Variants in CREB5 observed in about 807,000 individuals in gnomAD.
CREB5 encodes the protein cyclic AMP-responsive element-binding protein 5.
A neutral mutation model predicts 57.1 loss-of-function variants in CREB5; 19 were observed. That is an observed-to-expected ratio of 0.33 (90% confidence interval 0.23 to 0.49). The LOEUF (loss-of-function observed/expected upper bound fraction) is 0.49, where lower values mean the gene tolerates loss of function less well. CREB5 is among the 20% of genes least tolerant of loss of function. The pLI is 0.99. For missense variants in CREB5, 579 were observed against 671.6 expected (o/e 0.86, Z 1.52); for synonymous variants, 238 against 238.3 (o/e 1.00, Z 0.01).
upstream of CREB5, chr7:28,410,111 G>T (rs1449019565): frequency 2.6e-6 from 1 of 386,370 alleles, no homozygotes; most frequent in East Asian, 7.3e-5. Context: ...GTGCGGAGCT[G>T]CAGCTGCCAC....
At chr7:28,772,933 G>A (rs180675437) in intron 7 of CREB5, among the ~76,000 whole-genome samples, 63 of 152,158 alleles carry the variant, frequency 4.1e-4, no homozygotes, top group South Asian at 1.7e-3. Context: ...GGCAGCTCTC[G>A]TAACCTCCTA....
rs374348500 is a variant in CREB5 at position 28,757,541 on chromosome 7, C to T, written c.702+33209C>T. 1.1e-4 allele frequency among the ~76,000 whole-genome samples: 17 copies of T among 152,022 alleles called. No individual in the cohort carries two copies. The South Asian group carries it at 3.3e-3, about 30-fold the overall frequency. On this transcript the variant is annotated intron_variant, in intron 7 of 10. Coordinates refer to ENST00000357727, the MANE Select transcript of CREB5 (RefSeq NM_182898.4). ...CAAAAAAATTAGCCAGGCGTGGTGG[C>T]GGGCGCCTGTAGTCCCAGCTACTCG...
chr7:28,441,803 T>C (rs1789195308), intron 1 of CREB5, among the ~76,000 whole-genome samples: 1 of 152,210 alleles, frequency 6.6e-6, no homozygotes, highest in South Asian at 2.1e-4. Flanking sequence ...AGTCAAGCTC[T>C]TTATGGTTTT....
chr7:28,795,158 T>C lies in CREB5; in HGVS notation c.703-9041T>C, dbSNP rs946103660. Among the ~76,000 whole-genome samples the C allele has an allele frequency of 3.3e-5, 5 of 152,344 alleles. No homozygotes were observed. In the East Asian group the frequency reaches 9.6e-4, roughly 29 times the overall value. On this transcript the variant is annotated intron_variant, in intron 7 of 10. Coordinates refer to ENST00000357727, the MANE Select transcript of CREB5 (RefSeq NM_182898.4). ...CTGTTTTGATGTGTGCATTGCATAA[T>C]GATGCTTTGCGAAGTCAAAATCCCC...
At chr7:28,498,546 TA>T (rs1562757882) in intron 3 of CREB5, among the ~76,000 whole-genome samples, 1 of 152,202 alleles carries the variant, frequency 6.6e-6, no homozygotes, top group East Asian at 1.9e-4. Context: ...AGCTTTGTCA[TA>T]AGGTTCATTT....
At chr7:28,810,565 G>A (rs144438661) in intron 9 of CREB5, among the ~76,000 whole-genome samples, 2,659 of 152,186 alleles carry the variant, frequency 0.017, 78 homozygotes, top group South Asian at 0.14. Flanking sequence ...GTGTGGTGGT[G>A]CATTCCTGTA....
chr7:28,435,091 C>CTTTTTT lies in CREB5; in HGVS notation c.3+22186_3+22191dup, dbSNP rs397702746. On this transcript the variant is annotated intron_variant, in intron 1 of 10. Coordinates refer to ENST00000357727, the MANE Select transcript of CREB5 (RefSeq NM_182898.4). Reference sequence around the variant, plus strand: ...TGGAATTATCACCTAGGCCACCTGGCTTTTTTTTTTTTTTTTTCCTCCCTC... The same window carrying CTTTTTT: ...TGGAATTATCACCTAGGCCACCTGGCTTTTTTTTTTTTTTTTTTTTTTTCCTCCCTC... 2.3e-5 allele frequency among the ~76,000 whole-genome samples: 3 copies of CTTTTTT among 132,772 alleles called. 1 individual carries two copies. The allele number at this position is 132,772 out of a possible 152,430, so 87.1% of individuals were successfully genotyped here. A position where few individuals can be genotyped will look rare whatever the true frequency, so the allele number is the denominator to read the frequency against.
At chr7:28,509,273 G>A (rs559589101) in intron 4 of CREB5, among the ~76,000 whole-genome samples, 2 of 152,318 alleles carry the variant, frequency 1.3e-5, no homozygotes, top group African/African-American at 4.8e-5. Context: ...GAACAGTTTC[G>A]TGAAGCCCGT....
At chr7:28,807,144 C>T (rs145746413) in intron 8 of CREB5, among the ~76,000 whole-genome samples, 1 of 152,158 alleles carries the variant, frequency 6.6e-6, no homozygotes, top group Admixed American at 6.5e-5. Context: ...AACAAACAAA[C>T]AGTTCTAGAA....
At chr7:28,375,997 C>T (rs965135977) in intron 1 of CREB5, among the ~76,000 whole-genome samples, 5 of 152,300 alleles carry the variant, frequency 3.3e-5, no homozygotes, top group East Asian at 3.9e-4. Context: ...CTTGAACTCA[C>T]GCAGTTGGCC....
chr7:28,418,853 G>A lies in CREB5; in HGVS notation c.3+5936G>A, dbSNP rs561842989. Among the ~76,000 whole-genome samples, 8 of 152,296 alleles carry A rather than the reference G, an allele frequency of 5.3e-5. No homozygotes were observed. In the East Asian group the frequency reaches 1.5e-3, roughly 29 times the overall value. On this transcript the variant is annotated intron_variant, in intron 1 of 10. Coordinates refer to ENST00000357727, the MANE Select transcript of CREB5 (RefSeq NM_182898.4). ...TGTATTCCAGATATTCCAGATAGAA[G>A]CACTGCTTTGGGTTGCTTCCAGGTA... is the stretch of plus-strand genomic sequence containing the variant.
At chr7:28,542,805 A>G (rs34466663) in intron 4 of CREB5, among the ~76,000 whole-genome samples, 6,096 of 152,258 alleles carry the variant, frequency 0.04, 193 homozygotes, top group Non-Finnish European at 0.061. Context: ...ACCAAGATGG[A>G]ATTACAGCCT....
At chr7:28,585,602 T>A (rs1796276855) in intron 5 of CREB5, among the ~76,000 whole-genome samples, 1 of 152,182 alleles carries the variant, frequency 6.6e-6, no homozygotes, top group Non-Finnish European at 1.5e-5. Flanking sequence ...CTAATTCTTT[T>A]TGAAGCGTCC....
chr7:28,507,524 G>A (rs1792528068), intron 3 of CREB5, 92 bp from the exon 4 acceptor site: 1 of 1,440,340 alleles, frequency 6.9e-7, no homozygotes, highest in Non-Finnish European at 9.3e-7. Flanking sequence ...TTTAATTAAG[G>A]CAAGGGGAGG....
At chr7:28,606,121 T>C (rs1797123834) in intron 5 of CREB5, among the ~76,000 whole-genome samples, 1 of 152,136 alleles carries the variant, frequency 6.6e-6, no homozygotes, top group South Asian at 2.1e-4. Flanking sequence ...TTGCCCTCAA[T>C]ACAGAGAAAA....
In CREB5 at chr7:28,824,756, A is replaced by G. The variant is rs189482331; in HGVS notation, c.*5477A>G. 41 of 152,700 alleles carry G rather than the reference A, an allele frequency of 2.7e-4. No individual in the cohort carries two copies. In the East Asian group the frequency reaches 5.4e-3, roughly 20 times the overall value. 9.5% of individuals were successfully genotyped at this position (152,700 alleles called of 1,614,324 possible). A position where few individuals can be genotyped will look rare whatever the true frequency, so the allele number is the denominator to read the frequency against. On this transcript the variant is annotated 3_prime_UTR_variant, in exon 11 of 11. Coordinates refer to ENST00000357727, the MANE Select transcript of CREB5 (RefSeq NM_182898.4). ...TGTTTATATATTTTTTTCCTTATAA[A>G]TTGTCTATTTTTTAAAAAAGCTATT...
At chr7:28,312,894 A>G (rs529725600) in intron 1 of CREB5, among the ~76,000 whole-genome samples, 15 of 152,308 alleles carry the variant, frequency 9.8e-5, no homozygotes, top group Non-Finnish European at 1.9e-4. Context: ...TTCTCATTCC[A>G]AAAAGAAAAT....
chr7:28,468,211 G>A (rs1790669278), intron 1 of CREB5, among the ~76,000 whole-genome samples: 1 of 152,182 alleles, frequency 6.6e-6, no homozygotes, highest in Non-Finnish European at 1.5e-5. Context: ...CATGTCACAG[G>A]CTGCTTCCAA....
chr7:28,375,519 G>GCTTGTAAC (rs1308776997), intron 1 of CREB5, among the ~76,000 whole-genome samples: 2 of 151,972 alleles, frequency 1.3e-5, no homozygotes, highest in Non-Finnish European at 2.9e-5. Flanking sequence ...TCATTGGATT[G>GCTTGTAAC]CTTGTAACAC....
Sources: allele counts gnomAD v4.1 joint callset (sites outside exome capture counted in the v4.1 genomes callset), GRCh38; gene constraint gnomAD v4.1.1; transcripts MANE v1.5; gene names NCBI Gene and HGNC (gene_info 2026-07-23, HGNC 2026-07-21).